The following KCNJ6 variants were observed in gnomAD, a reference collection of about 807,000 sequenced individuals.
KCNJ6 encodes potassium inwardly rectifying channel subfamily J member 6, also known as G protein-activated inward rectifier potassium channel 2.
Under a neutral mutation model 34.2 loss-of-function variants are expected in KCNJ6, and 9 were observed. The observed-to-expected ratio is 0.26, with a 90% CI of 0.16 to 0.46. The LOEUF is 0.46. KCNJ6 is among the 20% of genes least tolerant of loss of function. The pLI is 1.00. For missense variants in KCNJ6, 236 were observed against 531.3 expected, an observed-to-expected ratio of 0.44 and a Z score of 5.46; for synonymous variants, 196 against 207.1, an observed-to-expected ratio of 0.95 and a Z score of 0.46.
intron 3 of KCNJ6, among the ~76,000 whole-genome samples, chr21:37,711,657 T>C (rs1340475568): frequency 1.2e-4 from 18 of 152,184 alleles, no homozygotes. Flanking sequence ...TAAATCCTAA[T>C]TGAGCTTTTC....
intron 3 of KCNJ6, among the ~76,000 whole-genome samples, chr21:37,645,131 T>A (rs1569436422): frequency 6.6e-6 from 1 of 151,684 alleles, no homozygotes; most frequent in Non-Finnish European, 1.5e-5. Flanking sequence ...TCCCAGCAAT[T>A]TGGGAGGCTG....
chr21:37,809,893 G>A (rs976233220), intron 2 of KCNJ6, among the ~76,000 whole-genome samples: 6 of 152,180 alleles, frequency 3.9e-5, no homozygotes, highest in African/African-American at 1.4e-4. Flanking sequence ...CCCTGGAGAT[G>A]ATAAAGCACA....
At chr21:37,659,181 C>CA (rs920486581) in intron 3 of KCNJ6, among the ~76,000 whole-genome samples, 18 of 152,146 alleles carry the variant, frequency 1.2e-4, no homozygotes, top group African/African-American at 4.1e-4. Flanking sequence ...CCCTGTTTTT[C>CA]TTTTTTTTCC....
At chr21:37,660,433 G>A (rs2054482981) in intron 3 of KCNJ6, among the ~76,000 whole-genome samples, 1 of 152,184 alleles carries the variant, frequency 6.6e-6, no homozygotes, top group Non-Finnish European at 1.5e-5. Flanking sequence ...CTGGTCGTGG[G>A]GTGTTCTGGC....
intron 2 of KCNJ6, among the ~76,000 whole-genome samples, chr21:37,764,169 T>C (rs939705606): frequency 7.2e-5 from 11 of 152,068 alleles, no homozygotes; most frequent in African/African-American, 1.7e-4. Context: ...GTGAGTGAGA[T>C]TGAGGGTCTG....
At chr21:37,626,231 A>G (rs1415136132) in intron 3 of KCNJ6, among the ~76,000 whole-genome samples, 1 of 151,752 alleles carries the variant, frequency 6.6e-6, no homozygotes, top group Non-Finnish European at 1.5e-5. Flanking sequence ...TCAGGATTCA[A>G]GCAATTCTCC....
At chr21:37,729,925 T>TA (rs2054875733) in intron 2 of KCNJ6, among the ~76,000 whole-genome samples, 1 of 151,892 alleles carries the variant, frequency 6.6e-6, no homozygotes, top group South Asian at 2.1e-4. Flanking sequence ...TCCTTTTTTT[T>TA]AGATGAACAC....
chr21:37,804,927 A>C (rs979884200), intron 2 of KCNJ6, among the ~76,000 whole-genome samples: 2 of 152,234 alleles, frequency 1.3e-5, no homozygotes, highest in African/African-American at 4.8e-5. Context: ...GATAATTATG[A>C]TGTGGTACAA....
intron 1 of KCNJ6, among the ~76,000 whole-genome samples, chr21:37,911,459 A>G (rs535789245): frequency 6.6e-6 from 1 of 152,320 alleles, no homozygotes; most frequent in African/African-American, 2.4e-5. Context: ...ATTGAAGATA[A>G]AATGAAGAAA....
intron 3 of KCNJ6, among the ~76,000 whole-genome samples, chr21:37,691,765 C>T (rs547060651): frequency 8.5e-5 from 13 of 152,184 alleles, no homozygotes; most frequent in South Asian, 4.2e-4. Flanking sequence ...TGTGAGTAAC[C>T]GCGCACCTGT....
At chr21:37,730,051 C>T (rs1319273703) in intron 2 of KCNJ6, among the ~76,000 whole-genome samples, 1 of 152,182 alleles carries the variant, frequency 6.6e-6, no homozygotes, top group Non-Finnish European at 1.5e-5. Context: ...TTCCCTGAAG[C>T]AGTGGCTGCT....
chr21:37,653,673 T>C (rs1198674685), intron 3 of KCNJ6, among the ~76,000 whole-genome samples: 1 of 152,236 alleles, frequency 6.6e-6, no homozygotes, highest in African/African-American at 2.4e-5. Flanking sequence ...ATACATTTCA[T>C]AGGCTCTCTC....
At chr21:37,774,713 T>G (rs562684699) in intron 2 of KCNJ6, among the ~76,000 whole-genome samples, 1 of 152,332 alleles carries the variant, frequency 6.6e-6, no homozygotes, top group South Asian at 2.1e-4. Context: ...TATTCCATGG[T>G]GTATATGTGC....
chr21:37,710,807 A>ACTAT (rs2054747822), intron 3 of KCNJ6, among the ~76,000 whole-genome samples: 1 of 152,254 alleles, frequency 6.6e-6, no homozygotes, highest in Non-Finnish European at 1.5e-5. Flanking sequence ...TGTAAACACC[A>ACTAT]CTATCTCAAA....
At chr21:37,691,940 A>G (rs1203948341) in intron 3 of KCNJ6, among the ~76,000 whole-genome samples, 1 of 152,200 alleles carries the variant, frequency 6.6e-6, no homozygotes, top group African/African-American at 2.4e-5. Context: ...TATAATTAAA[A>G]AAAAGGTTTC....
intron 3 of KCNJ6, among the ~76,000 whole-genome samples, chr21:37,704,628 A>G (rs1286219128): frequency 1.3e-5 from 2 of 151,366 alleles, no homozygotes; most frequent in African/African-American, 4.8e-5. Context: ...AATAATTAAA[A>G]TCTTCCTAGG....
chr21:37,667,767 G>T (rs891884201), intron 3 of KCNJ6, among the ~76,000 whole-genome samples: 12 of 152,028 alleles, frequency 7.9e-5, no homozygotes, highest in African/African-American at 2.9e-4. Flanking sequence ...TCACCCCATT[G>T]TGACATCCAA....
Position 37,611,798 on chromosome 21 carries a change from T to C in KCNJ6, c.*13361A>G, listed in dbSNP as rs1394999109. The C allele has an allele frequency of 6.6e-6, 1 of 151,590 alleles. No homozygotes were observed. The highest frequency in any genetic ancestry group is 1.5e-5 in the Non-Finnish European group (1 of 67,910). 9.4% of individuals were successfully genotyped at this position (151,590 alleles called of 1,614,324 possible). A position where few individuals can be genotyped will look rare whatever the true frequency, so the allele number is the denominator to read the frequency against. ...AGTCTTTCATGATAAAAACACTCAG[T>C]AAAGCAGGAATAGAGGAGAAGCCCC... On this transcript the variant is annotated 3_prime_UTR_variant, in exon 4 of 4. Coordinates refer to ENST00000609713, the MANE Select transcript of KCNJ6 (RefSeq NM_002240.5).
At chr21:37,811,869 T>G (rs1002334441) in intron 2 of KCNJ6, among the ~76,000 whole-genome samples, 2 of 152,136 alleles carry the variant, frequency 1.3e-5, no homozygotes, top group African/African-American at 4.8e-5. Flanking sequence ...GAGGTGGTTA[T>G]GCAATGAAAG....
Sources: gnomAD v4.1 joint callset for allele counts (sites outside exome capture counted in the v4.1 genomes callset) on GRCh38, gnomAD v4.1.1 for gene constraint, MANE v1.5 for transcripts, NCBI Gene and HGNC (gene_info 2026-07-23, HGNC 2026-07-21) for gene names.